ALDH16A1: variants seen among roughly 807,000 people sequenced by gnomAD.
ALDH16A1 encodes the protein aldehyde dehydrogenase family 16 member A1.
A neutral mutation model predicts 96.1 loss-of-function variants in ALDH16A1; 88 were observed. That is an observed-to-expected ratio of 0.92 (90% CI 0.77 to 1.09). The LOEUF is 1.09. ALDH16A1 is among the 50% of genes least tolerant of loss of function. The probability of loss-of-function intolerance (pLI) is 0.00; values close to 1 mark genes in which losing one functional copy is unlikely to be tolerated. For synonymous variants in ALDH16A1, 522 were observed against 496.4 expected, an observed-to-expected ratio of 1.05 and a Z score of -0.69; for missense variants, 1,250 against 1,112.6, an observed-to-expected ratio of 1.12 and a Z score of -1.76.
intron 1 of ALDH16A1, among the ~76,000 whole-genome samples, chr19:49,454,269 C>T (rs942438541): frequency 2.0e-5 from 3 of 152,094 alleles, no homozygotes; most frequent in African/African-American, 7.2e-5. Context: ...GTGATCCACC[C>T]ACCTCGACTT....
chr19:49,458,578 T>C lies in ALDH16A1; in HGVS notation c.183T>C (p.Asp61=). The change falls in exon 2 of 17, where the codon GAT becomes GAC. Residue 61 remains aspartate, a synonymous_variant. Coordinates refer to ENST00000293350, the MANE Select transcript of ALDH16A1 (RefSeq NM_153329.4). ...PEHRNSVPCQ[D]PITGENLASC... ...ACAGAAATTCAGTGCCTTGCCAGGA[T>C]CCCATCACAGGTACGAGATGTCCCC... 6.4e-7 allele frequency: 1 copy of C among 1,559,220 alleles called. No individual in the cohort carries two copies. The highest frequency in any genetic ancestry group is 8.7e-7 in the Non-Finnish European group (1 of 1,150,052).
chr19:49,470,470 C>G lies in ALDH16A1; in HGVS notation c.*3C>G. The G allele has an allele frequency of 6.4e-7, 1 of 1,557,646 alleles. No homozygotes were observed. Among genetic ancestry groups the G allele is most frequent in the Non-Finnish European group, 8.7e-7 (1 of 1,154,518 alleles). On this transcript the variant is annotated 3_prime_UTR_variant, in exon 17 of 17. Coordinates refer to ENST00000293350, the MANE Select transcript of ALDH16A1 (RefSeq NM_153329.4). ...TGTGGCTGCCTATGGGGGACTGATG[C>G]CTGAGCGCCACCTACTGCATTTTGG...
chr19:49,458,504 G>A lies in ALDH16A1; in HGVS notation c.109G>A (p.Asp37Asn), dbSNP rs760236973. 1 of 1,563,852 alleles carries A rather than the reference G, an allele frequency of 6.4e-7. No individual in the cohort carries two copies. The highest frequency in any genetic ancestry group is 2.3e-5 in the East Asian group (1 of 42,610). Residue 37 changes from aspartate to asparagine, a missense_variant, in exon 2 of 17, where the codon GAC (aspartate) becomes AAC (asparagine). By Grantham distance (23) the Asp-to-Asn change is conservative. Coordinates refer to ENST00000293350, the MANE Select transcript of ALDH16A1 (RefSeq NM_153329.4). ...CCCCCAGGCCTGGCTGGACACCCAG[G>A]ACCGGTGCTTGGGCCACTATGTGAA... The part of the protein sequence containing the change: ...ACALAWLDTQ[D>N]RCLGHYVNGK...
chr19:49,467,493 C>G (rs1601042066), intron 14 of ALDH16A1, among the ~76,000 whole-genome samples: 1 of 150,774 alleles, frequency 6.6e-6, no homozygotes, highest in Admixed American at 6.6e-5. Context: ...ATCCCAGGTT[C>G]ACGCCATTCT....
intron 1 of ALDH16A1, 88 bp from the exon 2 acceptor site, chr19:49,458,398 G>C: frequency 1.0e-6 from 1 of 998,922 alleles, no homozygotes; most frequent in Non-Finnish European, 1.5e-6. Context: ...GAGGGAGACA[G>C]ACGTCCCCTC....
At chr19:49,466,608 C>T (rs1025970114) in intron 14 of ALDH16A1, among the ~76,000 whole-genome samples, 8 of 152,316 alleles carry the variant, frequency 5.3e-5, no homozygotes, top group Admixed American at 4.6e-4. Flanking sequence ...CGCCTGTAAT[C>T]CCAGTACTTC....
chr19:49,464,184 G>T lies in ALDH16A1; in HGVS notation c.1252G>T (p.Val418Leu). 1.2e-6 allele frequency: 2 copies of T among 1,608,110 alleles called. No individual in the cohort carries two copies. The highest frequency in any genetic ancestry group is 2.2e-5 in the South Asian group (2 of 90,928). The stretch of plus-strand genomic sequence containing the variant: ...CCGCACAGCCAAGGAGGCACTGTTG[G>T]TGGCCAACGGGACGCCCCGCGGGGG... Reference protein sequence around the residue: ...PFRTAKEALLVANGTPRGGSA... With the variant: ...PFRTAKEALLLANGTPRGGSA... Residue 418 changes from valine to leucine, a missense_variant, in exon 10 of 17, where the codon GTG becomes TTG. Coordinates refer to ENST00000293350, the MANE Select transcript of ALDH16A1 (RefSeq NM_153329.4).
At position 49,461,887 on chromosome 19, in the gene ALDH16A1, G is replaced by T; in HGVS notation, c.763G>T (p.Gly255Trp). 2 of 1,587,196 alleles carry T rather than the reference G, an allele frequency of 1.3e-6. No homozygotes were observed. The highest frequency in any genetic ancestry group is 1.7e-6 in the Non-Finnish European group (2 of 1,167,050). ...CTGAACTGGGGGGGGTCCCTAGGAA[G>T]GGCGTGCCCTTCGACGGAGCCTGGC... ...KVAFCGAPEE[G>W]RALRRSLAGE... The change falls in exon 7 of 17, where the codon GGG (glycine) becomes TGG (tryptophan). Residue 255 changes from glycine to tryptophan, a missense_variant. Coordinates refer to ENST00000293350, the MANE Select transcript of ALDH16A1 (RefSeq NM_153329.4).
At chr19:49,460,023 G>A (rs1601022688) in intron 4 of ALDH16A1, among the ~76,000 whole-genome samples, 175 bp downstream of exon 4, 2 of 152,188 alleles carry the variant, frequency 1.3e-5, no homozygotes. Flanking sequence ...TGATTCTCCT[G>A]CCTCAGCCTC....
At position 49,468,178 on chromosome 19, in the gene ALDH16A1, A is replaced by T; in HGVS notation, c.1939-203A>T. 1.8e-6 allele frequency: 1 copy of T among 541,398 alleles called. No homozygotes were observed. Among genetic ancestry groups the T allele is most frequent in the Non-Finnish European group, 3.2e-6 (1 of 308,214 alleles). 33.5% of individuals were successfully genotyped at this position (541,398 alleles called of 1,614,324 possible). A position where few individuals can be genotyped will look rare whatever the true frequency, so the allele number is the denominator to read the frequency against. Reference sequence around the variant, plus strand: ...CCGTCTCAAAAAAAAAAAAAAAGAAAGGCGGTTATGCAGGATGTTTCTCAC... The same window carrying T: ...CCGTCTCAAAAAAAAAAAAAAAGAATGGCGGTTATGCAGGATGTTTCTCAC... On this transcript the variant is annotated intron_variant, in intron 14 of 16. Coordinates refer to ENST00000293350, the MANE Select transcript of ALDH16A1 (RefSeq NM_153329.4). This position sits in a 1 kb window ranked among gnomAD's most constrained non-coding sequence, Gnocchi z 4.4.
In ALDH16A1 at chr19:49,470,567, A is replaced by G. The variant is rs2079237529; in HGVS notation, c.*100A>G. The G allele has an allele frequency of 1.6e-5, 21 of 1,344,348 alleles. No individual in the cohort carries two copies. The highest frequency in any genetic ancestry group is 2.7e-4 in the Middle Eastern group (1 of 3,654). 83.3% of individuals were successfully genotyped at this position (1,344,348 alleles called of 1,614,324 possible). ...TCCCCTTCTGGTTCCTGTGTCTCCC[A>G]ATAAACTCTCTGACCAACCCTAGCT... On this transcript the variant is annotated 3_prime_UTR_variant, in exon 17 of 17. Transcript: ENST00000293350.
rs756370303 is a variant in ALDH16A1, at chr19:49,464,115, C to A, written c.1195-12C>A. On this transcript the variant is annotated splice_polypyrimidine_tract_variant and intron_variant, in intron 9 of 16. Transcript: ENST00000293350. ...GCCCTGGAGGGCTGAGCCTCCCGGT[C>A]ACCCCTTGCAGGTGCCGTGGCCTGT... is the stretch of plus-strand genomic sequence containing the variant. 6.2e-7 allele frequency: 1 copy of A among 1,603,728 alleles called. No individual in the cohort carries two copies. Among genetic ancestry groups the A allele is most frequent in the South Asian group, 1.1e-5 (1 of 90,752 alleles).
intron 1 of ALDH16A1, among the ~76,000 whole-genome samples, chr19:49,455,694 G>C (rs1038444591): frequency 2.0e-5 from 3 of 151,942 alleles, no homozygotes; most frequent in Non-Finnish European, 4.4e-5. Context: ...CTAGGAGTTT[G>C]AGACCAGCCT....
Position 49,459,373 on chromosome 19 carries a change from C to T in ALDH16A1, c.320+287C>T, listed in dbSNP as rs568389978. 1.3e-5 allele frequency among the ~76,000 whole-genome samples: 2 copies of T among 152,144 alleles called. No individual in the cohort carries two copies. The highest frequency in any genetic ancestry group is 2.4e-5 in the African/African-American group (1 of 41,424). The stretch of plus-strand genomic sequence containing the variant: ...CCTAAATCCATTTCCTAGCCGCTTG[C>T]GGGGAAGCTAGAGACAAAAATTCCA... On this transcript the variant is annotated intron_variant, in intron 3 of 16. Transcript: ENST00000293350. This position sits in a 1 kb window ranked among gnomAD's most constrained non-coding sequence, Gnocchi z 4.1.
chr19:49,453,622 G>C (rs1484514333), intron 1 of ALDH16A1: 6 of 537,056 alleles, frequency 1.1e-5, no homozygotes, highest in Non-Finnish European at 2.0e-5. Context: ...AGTCTGTTCC[G>C]GTCTTCCCCA....
chr19:49,461,112 T>A (rs1372403002), intron 5 of ALDH16A1, among the ~76,000 whole-genome samples: 2 of 121,644 alleles, frequency 1.6e-5, no homozygotes, highest in Non-Finnish European at 3.5e-5. Context: ...GGAGCTGGAG[T>A]CTGGACTCCT....
At chr19:49,461,259 G>A (rs2079141191) in intron 5 of ALDH16A1, among the ~76,000 whole-genome samples, 1 of 142,810 alleles carries the variant, frequency 7.0e-6, no homozygotes. Context: ...GCTGGGGTCT[G>A]GACTCCTGGG....
Position 49,470,320 on chromosome 19 carries a change from C to T in ALDH16A1, c.2262C>T (p.Val754=), listed in dbSNP as rs766810134. The T allele has an allele frequency of 1.2e-5, 20 of 1,613,382 alleles. No homozygotes were observed. Among genetic ancestry groups the T allele is most frequent in the South Asian group, 5.5e-5 (5 of 91,070 alleles). The part of the protein sequence containing the change: ...YFGSAQGSQF[V]EWASAGNLKP... ...CCTCCCCTCAGGGTTCCCAGTTTGT[C>T]GAGTGGGCCTCGGCAGGAAACCTCA... The change falls in exon 17 of 17, where the codon GTC becomes GTT. Residue 754 remains valine (V), a synonymous_variant. Transcript: ENST00000293350.
intron 1 of ALDH16A1, among the ~76,000 whole-genome samples, chr19:49,457,770 C>T (rs1025517034): frequency 2.0e-5 from 3 of 151,646 alleles, no homozygotes; most frequent in Non-Finnish European, 4.4e-5. Context: ...CCACCACACC[C>T]GGCTAACTTT....
Sources: allele counts gnomAD v4.1 joint callset (sites outside exome capture counted in the v4.1 genomes callset), GRCh38; gene constraint gnomAD v4.1.1; non-coding constraint Gnocchi (gnomAD v3.1); transcripts MANE v1.5; gene names NCBI Gene and HGNC (gene_info 2026-07-23, HGNC 2026-07-21).